Variants in GLIS1 observed in about 807,000 individuals in gnomAD.
GLIS1 encodes the protein zinc finger protein GLIS1.
In GLIS1, 24 loss-of-function variants were observed where a neutral mutation model predicts 63.8. The observed-to-expected ratio is 0.38, with a 90% CI of 0.27 to 0.53. The LOEUF (loss-of-function observed/expected upper bound fraction) is 0.53. Ranked by LOEUF, GLIS1 falls within the 20% of genes least tolerant of loss-of-function variation. The pLI is 0.85. For missense variants in GLIS1, 1,036 were observed against 1,074.1 expected (o/e 0.96, Z 0.50); for synonymous variants, 450 against 482.5 (o/e 0.93, Z 0.88).
rs138812006 is a variant in GLIS1, at chr1:53,659,286, G to A, written c.260-59008C>T. The stretch of plus-strand genomic sequence containing the variant: ...TGAGGGCAATTGGGAACAGGGTCCA[G>A]AGAAGCTCACGGGCACTCAGGTGGC... On this transcript the variant is annotated intron_variant, in intron 2 of 10. Coordinates refer to ENST00000628545, the MANE Select transcript of GLIS1 (RefSeq NM_001367484.1). Among the ~76,000 whole-genome samples, 896 of 152,324 alleles carry A rather than the reference G, an allele frequency of 5.9e-3. 10 individuals carry two copies. Among genetic ancestry groups the A allele is most frequent in the East Asian group, 0.018 (95 of 5,178 alleles).
chr1:53,519,024 C>T (rs936026789), intron 7 of GLIS1, among the ~76,000 whole-genome samples: 1 of 152,260 alleles, frequency 6.6e-6, no homozygotes, highest in African/African-American at 2.4e-5. Context: ...TCCTCCACAA[C>T]AGCTTTCTTT....
At chr1:53,709,296 A>C (rs1472739139) in intron 2 of GLIS1, among the ~76,000 whole-genome samples, 1 of 150,296 alleles carries the variant, frequency 6.7e-6, no homozygotes, top group Non-Finnish European at 1.5e-5. Flanking sequence ...GTATGAAGTA[A>C]ATATAAATTT....
At chr1:53,715,308 C>T (rs1348875034) in intron 2 of GLIS1, among the ~76,000 whole-genome samples, 1 of 152,154 alleles carries the variant, frequency 6.6e-6, no homozygotes, top group African/African-American at 2.4e-5. Context: ...AGTCCAGAGT[C>T]CACCATGGGC....
intron 4 of GLIS1, among the ~76,000 whole-genome samples, chr1:53,558,999 C>G (rs1194119720): frequency 6.6e-6 from 1 of 152,152 alleles, no homozygotes; most frequent in African/African-American, 2.4e-5. Context: ...CCTGTGCTGT[C>G]CCAGAAACCA....
At chr1:53,732,395 T>C (rs1051758297) in intron 2 of GLIS1, among the ~76,000 whole-genome samples, 4 of 152,212 alleles carry the variant, frequency 2.6e-5, no homozygotes, top group Non-Finnish European at 5.9e-5. Flanking sequence ...AAAACTACTT[T>C]TCCCCCTCTT....
At chr1:53,633,743 G>A (rs756618595) in intron 2 of GLIS1, among the ~76,000 whole-genome samples, 14 of 151,948 alleles carry the variant, frequency 9.2e-5, no homozygotes, top group Non-Finnish European at 2.1e-4. Context: ...TTGCAGGATG[G>A]TTAGTAACAT....
intron 6 of GLIS1, among the ~76,000 whole-genome samples, chr1:53,521,476 CATA>C (rs1371151733): frequency 6.6e-6 from 1 of 152,132 alleles, no homozygotes. Context: ...GGACAAATAA[CATA>C]ACCTCTCTGG....
At position 53,702,010 on chromosome 1, in the gene GLIS1, A is replaced by G. The variant is rs555637936; in HGVS notation, c.259+35796T>C. Among the ~76,000 whole-genome samples, 166 of 151,296 alleles carry G rather than the reference A, an allele frequency of 1.1e-3. 1 individual carries two copies. Among genetic ancestry groups the G allele is most frequent in the African/African-American group, 3.8e-3 (158 of 41,256 alleles). On this transcript the variant is annotated intron_variant, in intron 2 of 10. Transcript: ENST00000628545. ...TCTACCTAAAAAAGAAAAAAAAAAA[A>G]AAAAAAAAAAAAGAAAGTCCAGCTT...
chr1:53,644,884 C>A (rs912689427), intron 2 of GLIS1, among the ~76,000 whole-genome samples: 8 of 152,186 alleles, frequency 5.3e-5, no homozygotes, highest in African/African-American at 1.4e-4. Flanking sequence ...AAGGATCACG[C>A]AGGCTGCTGT....
intron 2 of GLIS1, among the ~76,000 whole-genome samples, chr1:53,694,550 G>A (rs1294319451): frequency 6.6e-6 from 1 of 152,164 alleles, no homozygotes; most frequent in Non-Finnish European, 1.5e-5. Flanking sequence ...TGCAGAGGGG[G>A]CCCTGCTGAG....
chr1:53,724,681 C>T (rs960675830), intron 2 of GLIS1, among the ~76,000 whole-genome samples: 1 of 152,010 alleles, frequency 6.6e-6, no homozygotes, highest in African/African-American at 2.4e-5. Flanking sequence ...ATCAACCTAG[C>T]TAATTTTTAA....
At chr1:53,600,563 T>C (rs1645306520) in intron 2 of GLIS1, among the ~76,000 whole-genome samples, 1 of 152,106 alleles carries the variant, frequency 6.6e-6, no homozygotes, top group African/African-American at 2.4e-5. Context: ...CAAACACTGT[T>C]CTAGGTGCAG....
At chr1:53,701,563 G>T (rs1035490392) in intron 2 of GLIS1, among the ~76,000 whole-genome samples, 2 of 152,226 alleles carry the variant, frequency 1.3e-5, no homozygotes, top group Non-Finnish European at 2.9e-5. Context: ...AGGAAGAAAT[G>T]ATTGCCCAAG....
intron 2 of GLIS1, among the ~76,000 whole-genome samples, chr1:53,655,627 C>T (rs965199726): frequency 6.6e-6 from 1 of 152,186 alleles, no homozygotes; most frequent in African/African-American, 2.4e-5. Flanking sequence ...TATTTCTTCC[C>T]CCACCCCACA....
intron 2 of GLIS1, among the ~76,000 whole-genome samples, chr1:53,649,798 G>A (rs1207314825): frequency 6.6e-6 from 1 of 152,148 alleles, no homozygotes; most frequent in Non-Finnish European, 1.5e-5. Flanking sequence ...TTACTTTATT[G>A]TAAGAACACA....
At chr1:53,667,974 C>G (rs1251384318) in intron 2 of GLIS1, among the ~76,000 whole-genome samples, 1 of 152,200 alleles carries the variant, frequency 6.6e-6, no homozygotes, top group African/African-American at 2.4e-5. Context: ...ATTGCCCTCA[C>G]AGCCCCACCT....
chr1:53,521,528 C>T (rs1382415841), intron 6 of GLIS1, among the ~76,000 whole-genome samples: 1 of 152,150 alleles, frequency 6.6e-6, no homozygotes, highest in Non-Finnish European at 1.5e-5. Flanking sequence ...GCAACAGTCA[C>T]GCCTCACCCC....
intron 4 of GLIS1, among the ~76,000 whole-genome samples, chr1:53,555,933 G>C (rs1029975828): frequency 1.4e-5 from 2 of 143,546 alleles, no homozygotes; most frequent in Non-Finnish European, 3.0e-5. Flanking sequence ...TGTATTGCAG[G>C]TGTGTGTGCA....
At chr1:53,717,603 A>G (rs888298280) in intron 2 of GLIS1, among the ~76,000 whole-genome samples, 1 of 152,152 alleles carries the variant, frequency 6.6e-6, no homozygotes, top group African/African-American at 2.4e-5. Context: ...AAAATGTCAG[A>G]TCCTGCAGAT....
Sources: allele counts gnomAD v4.1 joint callset (sites outside exome capture counted in the v4.1 genomes callset), GRCh38; gene constraint gnomAD v4.1.1; transcripts MANE v1.5; gene names NCBI Gene and HGNC (gene_info 2026-07-23, HGNC 2026-07-21).